Variants in MAMDC2 observed in about 807,000 individuals in gnomAD.
MAMDC2 encodes the protein MAM domain-containing protein 2.
MAMDC2 carries 57 observed loss-of-function variants against 89.8 expected under a neutral mutation model. That is an observed-to-expected ratio of 0.63 (90% CI 0.51 to 0.79). The LOEUF is 0.79. MAMDC2 is among the 30% of genes least tolerant of loss of function. MAMDC2 has a pLI of 0.00. For synonymous variants in MAMDC2, 313 were observed against 293.4 expected (o/e 1.07, Z -0.68); for missense variants, 800 against 820.6 (o/e 0.97, Z 0.31).
chr9:70,103,593 C>T (rs917072812), intron 2 of MAMDC2, among the ~76,000 whole-genome samples: 1 of 151,362 alleles, frequency 6.6e-6, no homozygotes, highest in Non-Finnish European at 1.5e-5. Context: ...GGCTTCTTAG[C>T]TACGATGCCA....
At chr9:70,094,432 CTT>C (rs914691962) in intron 2 of MAMDC2, among the ~76,000 whole-genome samples, 1 of 152,190 alleles carries the variant, frequency 6.6e-6, no homozygotes, top group Non-Finnish European at 1.5e-5. Context: ...TTTCAACAAT[CTT>C]TTGTGTATCC....
chr9:70,192,549 G>A (rs1255922136), intron 11 of MAMDC2, among the ~76,000 whole-genome samples: 1 of 152,080 alleles, frequency 6.6e-6, no homozygotes, highest in African/African-American at 2.4e-5. Flanking sequence ...AGGAGGGGAA[G>A]AGTATAAAAA....
At chr9:70,172,848 C>T (rs1312441023) in intron 11 of MAMDC2, 3 of 152,904 alleles carry the variant, frequency 2.0e-5, no homozygotes, top group Non-Finnish European at 4.4e-5. Context: ...TAAGGTGGTT[C>T]CTTATGTGTG....
At chr9:70,135,111 T>G (rs7020575) in intron 7 of MAMDC2, among the ~76,000 whole-genome samples, 2 of 152,166 alleles carry the variant, frequency 1.3e-5, no homozygotes, top group African/African-American at 4.8e-5. Context: ...TCTCATTTCT[T>G]AAAAGTTCAA....
intron 8 of MAMDC2, among the ~76,000 whole-genome samples, chr9:70,142,700 T>C (rs556824347): frequency 1.2e-3 from 184 of 152,258 alleles, no homozygotes; most frequent in African/African-American, 4.2e-3. Flanking sequence ...CCTCTTGGTG[T>C]ATGGAGGCAT....
chr9:70,191,579 G>A (rs1416340310), intron 11 of MAMDC2, among the ~76,000 whole-genome samples: 2 of 151,920 alleles, frequency 1.3e-5, no homozygotes, highest in South Asian at 2.1e-4. Context: ...TGGGGTGATG[G>A]TATTTCCCAC....
At chr9:70,223,087 T>A (rs1373419636) in intron 12 of MAMDC2, among the ~76,000 whole-genome samples, 3 of 144,520 alleles carry the variant, frequency 2.1e-5, no homozygotes, top group Admixed American at 7.3e-5. Context: ...TGCAGTGAGC[T>A]GATATCGCAT....
At chr9:70,065,694 C>T (rs1563938200) in intron 2 of MAMDC2, among the ~76,000 whole-genome samples, 1 of 151,846 alleles carries the variant, frequency 6.6e-6, no homozygotes. Context: ...ACTCCAATCC[C>T]TGGCCTGGTC....
intron 11 of MAMDC2, among the ~76,000 whole-genome samples, chr9:70,192,592 C>A (rs1291811622): frequency 6.6e-6 from 1 of 151,986 alleles, no homozygotes; most frequent in Non-Finnish European, 1.5e-5. Flanking sequence ...CTTTAAACTG[C>A]CTAAGAGACC....
chr9:70,098,698 A>G (rs1828087912), intron 2 of MAMDC2, among the ~76,000 whole-genome samples: 1 of 152,224 alleles, frequency 6.6e-6, no homozygotes, highest in Non-Finnish European at 1.5e-5. Context: ...AGATAAATTA[A>G]TAAAGGAGGC....
intron 11 of MAMDC2, among the ~76,000 whole-genome samples, chr9:70,206,502 C>CA (rs1387632619): frequency 2.0e-5 from 3 of 152,076 alleles, no homozygotes; most frequent in Non-Finnish European, 4.4e-5. Flanking sequence ...TTACAAAGAC[C>CA]AAAATTATTC....
At position 70,126,278 on chromosome 9, in the gene MAMDC2, C is replaced by G. The variant is rs148363356; in HGVS notation, c.763C>G (p.Gln255Glu). 1.2e-5 allele frequency: 20 copies of G among 1,614,078 alleles called. No individual in the cohort carries two copies. Among genetic ancestry groups the G allele is most frequent in the Non-Finnish European group, 1.7e-5 (20 of 1,180,038 alleles). ...CCTGTCATTTTATTACCAGATCCAGCAGGGGAATGACAATGTCTTTTCCCT... is the reference window on the plus strand; with the variant it reads ...CCTGTCATTTTATTACCAGATCCAGGAGGGGAATGACAATGTCTTTTCCCT... ...GCLSFYYQIQQGNDNVFSLYT... is the reference protein window; with the variant it reads ...GCLSFYYQIQEGNDNVFSLYT... Residue 255 changes from glutamine (Q) to glutamate (E), a missense_variant, in exon 6 of 14, where the codon CAG becomes GAG. By Grantham distance (29) the Gln-to-Glu change is conservative. Transcript: ENST00000377182.
At chr9:70,175,828 T>G (rs2032481552) in intron 11 of MAMDC2, 1 of 152,246 alleles carries the variant, frequency 6.6e-6, no homozygotes, top group Non-Finnish European at 1.5e-5. Flanking sequence ...CTCCTTGGCT[T>G]GCAGATGGCT....
chr9:70,111,690 T>C (rs1828515176), intron 4 of MAMDC2, among the ~76,000 whole-genome samples: 2 of 152,196 alleles, frequency 1.3e-5, no homozygotes, highest in South Asian at 2.1e-4. Context: ...TGCTTGCTAA[T>C]GTAAAAACAC....
chr9:70,188,637 TC>T (rs2032810084), intron 11 of MAMDC2: 1 of 152,134 alleles, frequency 6.6e-6, no homozygotes, highest in East Asian at 1.9e-4. Flanking sequence ...CTATCCCATC[TC>T]CCTGCTCCAA....
intron 11 of MAMDC2, among the ~76,000 whole-genome samples, chr9:70,177,870 A>G (rs1317029131): frequency 6.6e-6 from 1 of 152,144 alleles, no homozygotes; most frequent in Non-Finnish European, 1.5e-5. Flanking sequence ...TAAACCAAAG[A>G]CCCTTCACAC....
At chr9:70,214,461 G>T (rs2033409736) in intron 11 of MAMDC2, among the ~76,000 whole-genome samples, 2 of 152,236 alleles carry the variant, frequency 1.3e-5, no homozygotes, top group Non-Finnish European at 2.9e-5. Flanking sequence ...GTAGGAATGA[G>T]ACAGGTAAGA....
At chr9:70,101,889 G>A (rs752936820) in intron 2 of MAMDC2, among the ~76,000 whole-genome samples, 4 of 152,174 alleles carry the variant, frequency 2.6e-5, no homozygotes, top group Non-Finnish European at 2.9e-5. Flanking sequence ...AGCACAAAAC[G>A]TGAAAATTAT....
chr9:70,173,209 TC>T (rs1385100942), intron 11 of MAMDC2, among the ~76,000 whole-genome samples: 29 of 152,262 alleles, frequency 1.9e-4, no homozygotes, highest in African/African-American at 6.7e-4. Context: ...CAACATTGAA[TC>T]TAGCGGAAAG....
Sources: gnomAD v4.1 joint callset for allele counts (sites outside exome capture counted in the v4.1 genomes callset) on GRCh38, gnomAD v4.1.1 for gene constraint, MANE v1.5 for transcripts, NCBI Gene and HGNC (gene_info 2026-07-23, HGNC 2026-07-21) for gene names.